The following SEZ6L variants were observed in gnomAD, a reference collection of about 807,000 sequenced individuals.
SEZ6L encodes the protein seizure 6-like protein.
A neutral mutation model predicts 106.2 loss-of-function variants in SEZ6L; 37 were observed. The observed-to-expected ratio is 0.35, with a 90% CI of 0.27 to 0.46. The LOEUF (loss-of-function observed/expected upper bound fraction) is 0.46. Ranked by LOEUF, SEZ6L falls within the 20% of genes least tolerant of loss-of-function variation. The probability of loss-of-function intolerance (pLI) is 1.00; values close to 1 mark genes in which losing one functional copy is unlikely to be tolerated. For missense variants in SEZ6L, 1,172 were observed against 1,332.8 expected, an observed-to-expected ratio of 0.88 and a Z score of 1.88; for synonymous variants, 541 against 570.4, an observed-to-expected ratio of 0.95 and a Z score of 0.73.
intron 9 of SEZ6L, among the ~76,000 whole-genome samples, chr22:26,316,285 C>T (rs2081994406): frequency 6.6e-6 from 1 of 152,134 alleles, no homozygotes; most frequent in Non-Finnish European, 1.5e-5. Context: ...TCTCTCTTAA[C>T]TCTAGGGAAA....
chr22:26,220,970 G>A (rs2078451977), intron 1 of SEZ6L, among the ~76,000 whole-genome samples: 2 of 129,082 alleles, frequency 1.5e-5, no homozygotes, highest in Admixed American at 1.6e-4. Flanking sequence ...AGGGAAGGAA[G>A]AAAGGAAGGA....
chr22:26,313,614 ACACG>A (rs2081911153), intron 8 of SEZ6L, 146 bp from the exon 9 acceptor site: 4 of 677,330 alleles, frequency 5.9e-6, no homozygotes, highest in South Asian at 3.7e-5. Flanking sequence ...GCACACACAC[ACACG>A]TGCTGGCTGC....
At chr22:26,369,488 C>T (rs866861462) in intron 13 of SEZ6L, among the ~76,000 whole-genome samples, 10 of 151,430 alleles carry the variant, frequency 6.6e-5, no homozygotes, top group Admixed American at 1.3e-4. Flanking sequence ...CTACAGGCGC[C>T]CGCCACCACA....
chr22:26,218,008 G>C (rs1305197275), intron 1 of SEZ6L, among the ~76,000 whole-genome samples: 1 of 152,190 alleles, frequency 6.6e-6, no homozygotes, highest in Non-Finnish European at 1.5e-5. Context: ...CTGGGTGCTG[G>C]AGAGCAGAGG....
chr22:26,355,514 C>T (rs1207070405), intron 12 of SEZ6L, among the ~76,000 whole-genome samples: 1 of 152,098 alleles, frequency 6.6e-6, no homozygotes, highest in Non-Finnish European at 1.5e-5. Flanking sequence ...GGATCACTTG[C>T]GGTCAGGAGT....
Position 26,292,471 on chromosome 22 carries a change from A to G in SEZ6L, c.160A>G (p.Arg54Gly), listed in dbSNP as rs1453017919. 4 of 1,613,916 alleles carry G rather than the reference A, an allele frequency of 2.5e-6. No homozygotes were observed. In the South Asian group the frequency reaches 3.3e-5, roughly 13 times the overall value. ...CCTCCTGCCCTCAGGAGCCCCGGAG[A>G]GAGGCAGTCCTGGCAAAGAGCACCC... ...PYLLPSGAPERGSPGKEHPEE... is the reference protein window; with the variant it reads ...PYLLPSGAPEGGSPGKEHPEE... Residue 54 changes from arginine to glycine, a missense_variant, in exon 2 of 17, where the codon AGA (arginine) becomes GGA (glycine). Transcript: ENST00000248933.
At chr22:26,300,955 C>A (rs2081434748) in intron 5 of SEZ6L, among the ~76,000 whole-genome samples, 1 of 152,212 alleles carries the variant, frequency 6.6e-6, no homozygotes, top group Admixed American at 6.5e-5. Flanking sequence ...ATGCACAAAG[C>A]TTTTACATTT....
Position 26,169,665 on chromosome 22 carries a change from C to T in SEZ6L, c.-5C>T. ...GCCAGCGGCTCCGCGCCCCCTGCAGCCACGATGCCCGCGGCCCGGCCGCCC... is the reference window on the plus strand; with the variant it reads ...GCCAGCGGCTCCGCGCCCCCTGCAGTCACGATGCCCGCGGCCCGGCCGCCC... On this transcript the variant is annotated 5_prime_UTR_variant, in exon 1 of 17. Transcript: ENST00000248933. 1 of 1,273,446 alleles carries T rather than the reference C, an allele frequency of 7.9e-7. No homozygotes were observed. Among genetic ancestry groups the T allele is most frequent in the South Asian group, 2.0e-5 (1 of 49,116 alleles). The allele number at this position is 1,273,446 out of a possible 1,614,324, so 78.9% of individuals were successfully genotyped here. A position where few individuals can be genotyped will look rare whatever the true frequency, so the allele number is the denominator to read the frequency against.
intron 1 of SEZ6L, among the ~76,000 whole-genome samples, chr22:26,235,928 T>G (rs1486081381): frequency 6.6e-6 from 1 of 152,206 alleles, no homozygotes; most frequent in Non-Finnish European, 1.5e-5. Flanking sequence ...ACAGAGAAGT[T>G]TCATGAAGCT....
intron 10 of SEZ6L, among the ~76,000 whole-genome samples, chr22:26,345,894 A>G (rs1270971365): frequency 6.6e-6 from 1 of 152,202 alleles, no homozygotes; most frequent in Non-Finnish European, 1.5e-5. Flanking sequence ...AAAACAGAAC[A>G]ATTACAGAGA....
At chr22:26,304,474 G>A (rs1170727144) in intron 5 of SEZ6L, among the ~76,000 whole-genome samples, 1 of 152,028 alleles carries the variant, frequency 6.6e-6, no homozygotes. Context: ...CATATAGTAC[G>A]TGAGAAAACA....
intron 1 of SEZ6L, among the ~76,000 whole-genome samples, chr22:26,175,101 C>A (rs906469036): frequency 3.9e-5 from 6 of 152,140 alleles, no homozygotes; most frequent in African/African-American, 1.2e-4. Context: ...TCCCCAAGAC[C>A]ACATGCAGAT....
chr22:26,294,721 AACACACACACAC>A (rs56000206), intron 3 of SEZ6L, among the ~76,000 whole-genome samples: 62 of 148,270 alleles, frequency 4.2e-4, no homozygotes, highest in Admixed American at 5.4e-4. Context: ...CACGTGCATA[AACACACACACAC>A]ACACACACAC....
chr22:26,264,663 T>C (rs1168060954), intron 1 of SEZ6L, among the ~76,000 whole-genome samples: 1 of 152,236 alleles, frequency 6.6e-6, no homozygotes, highest in Non-Finnish European at 1.5e-5. Flanking sequence ...CTGGGGCATC[T>C]ATTCAACTCT....
rs1433217832 is a variant in SEZ6L, at chr22:26,381,749, T to G, written c.*1454T>G. ...GGAGGGTGCGGGTGCATGGAAGAAA[T>G]ACTATGTGTGAAGCAGATTCACCTT... On this transcript the variant is annotated 3_prime_UTR_variant, in exon 17 of 17. Transcript: ENST00000248933. 3.8e-6 allele frequency: 1 copy of G among 263,472 alleles called. No homozygotes were observed. The highest frequency in any genetic ancestry group is 2.2e-5 in the African/African-American group (1 of 44,968). The allele number at this position is 263,472 out of a possible 1,614,324, so 16.3% of individuals were successfully genotyped here.
intron 1 of SEZ6L, chr22:26,254,020 C>T (rs1393746166): frequency 1.3e-5 from 2 of 152,210 alleles, no homozygotes; most frequent in Non-Finnish European, 2.9e-5. Flanking sequence ...GTTCATCCTT[C>T]GTAGAGGTCA....
chr22:26,194,471 C>T (rs552134416), intron 1 of SEZ6L, among the ~76,000 whole-genome samples: 2 of 152,254 alleles, frequency 1.3e-5, no homozygotes, highest in South Asian at 2.1e-4. Flanking sequence ...GAAAGCCTGG[C>T]GCTACAGTCA....
intron 1 of SEZ6L, among the ~76,000 whole-genome samples, chr22:26,193,586 G>C (rs1446952678): frequency 6.6e-6 from 1 of 152,202 alleles, no homozygotes; most frequent in African/African-American, 2.4e-5. Context: ...TGTTGAGAAA[G>C]TTAATTAACC....
rs570352325 is a variant in SEZ6L, at chr22:26,370,397, G to GA, written c.2795-3046dup. Among the ~76,000 whole-genome samples the GA allele has an allele frequency of 4.0e-3, 607 of 151,502 alleles. 5 individuals carry two copies. The highest frequency in any genetic ancestry group is 0.014 in the African/African-American group (565 of 41,330). ...GACACTCCATCTCAAAAAAAAGAAA[G>GA]AAAAAAAACCCTAAATAAGAAAACC... is the stretch of plus-strand genomic sequence containing the variant. On this transcript the variant is annotated intron_variant, in intron 13 of 16. Transcript: ENST00000248933.
Sources: allele counts gnomAD v4.1 joint callset (sites outside exome capture counted in the v4.1 genomes callset), GRCh38; gene constraint gnomAD v4.1.1; transcripts MANE v1.5; gene names NCBI Gene and HGNC (gene_info 2026-07-23, HGNC 2026-07-21).